CD9: variants seen among roughly 807,000 people sequenced by gnomAD.
CD9 encodes CD9 molecule.
In CD9, 10 loss-of-function variants were observed where a neutral mutation model predicts 31.4. The observed-to-expected ratio is 0.32, with a 90% CI of 0.20 to 0.54. The LOEUF is 0.54. Among genes scored for constraint, CD9 ranks in the 20% least tolerant of loss-of-function variants. The probability of loss-of-function intolerance (pLI) is 0.94; values close to 1 mark genes in which losing one functional copy is unlikely to be tolerated. For missense variants in CD9, 259 were observed against 300.1 expected (o/e 0.86, Z 1.01); for synonymous variants, 113 against 114.1 (o/e 0.99, Z 0.06).
Position 6,232,654 on chromosome 12 carries a change from C to A in CD9, c.198C>A (p.Ala66=). 1 of 1,578,774 alleles carries A rather than the reference C, an allele frequency of 6.3e-7. No homozygotes were observed. Reference sequence around the variant, plus strand: ...CAGGAGTCTATATTCTGATCGGAGCCGGCGCCCTCATGATGCTGGTGGGCT... The same window carrying A: ...CAGGAGTCTATATTCTGATCGGAGCAGGCGCCCTCATGATGCTGGTGGGCT... ...FYTGVYILIG[A]GALMMLVGFL... Residue 66 remains alanine (A), a synonymous_variant, in exon 3 of 8, where the codon GCC becomes GCA. Coordinates refer to ENST00000009180, the MANE Select transcript of CD9 (RefSeq NM_001769.4). This position sits in a 1 kb window ranked among gnomAD's most constrained non-coding sequence, Gnocchi z 4.8.
chr12:6,203,557 G>T (rs1405284037), intron 1 of CD9, among the ~76,000 whole-genome samples: 3 of 152,160 alleles, frequency 2.0e-5, no homozygotes, highest in Admixed American at 1.3e-4. Context: ...TCCCTGGCCT[G>T]ATCTCATCCC....
At chr12:6,218,597 CTAAGCTCCGT>C (rs1946264331) in intron 1 of CD9, among the ~76,000 whole-genome samples, 1 of 152,228 alleles carries the variant, frequency 6.6e-6, no homozygotes, top group Admixed American at 6.5e-5. Flanking sequence ...CCAGGTGCCC[CTAAGCTCCGT>C]TACACTTTGA....
At chr12:6,233,350 C>T (rs1027277986) in intron 3 of CD9, 62 bp from the exon 4 acceptor site, 175 of 1,264,448 alleles carry the variant, frequency 1.4e-4, no homozygotes, top group Middle Eastern at 3.7e-4. Context: ...CCAAAATACC[C>T]TTTGATTTTC....
In CD9 at chr12:6,232,783, C is replaced by T. The variant is rs763480764; in HGVS notation, c.273+54C>T. 1 of 1,190,202 alleles carries T rather than the reference C, an allele frequency of 8.4e-7. No homozygotes were observed. The highest frequency in any genetic ancestry group is 1.2e-6 in the Non-Finnish European group (1 of 831,466). 73.7% of individuals were successfully genotyped at this position (1,190,202 alleles called of 1,614,324 possible). A position where few individuals can be genotyped will look rare whatever the true frequency, so the allele number is the denominator to read the frequency against. On this transcript the variant is annotated intron_variant, in intron 3 of 7. Coordinates refer to ENST00000009180, the MANE Select transcript of CD9 (RefSeq NM_001769.4). The surrounding 1 kb of genome is among the most constrained non-coding windows in gnomAD (Gnocchi z 4.8). ...CACCCTGACTCCCACCAACAAAAAC[C>T]TCAGCAGGCCCAGACCCAGACCACA...
At chr12:6,216,494 C>CCT (rs1445113989) in intron 1 of CD9, among the ~76,000 whole-genome samples, 2 of 152,220 alleles carry the variant, frequency 1.3e-5, no homozygotes, top group Non-Finnish European at 1.5e-5. Flanking sequence ...AGGAAAATCC[C>CCT]CTCTCTCTCT....
intron 1 of CD9, among the ~76,000 whole-genome samples, chr12:6,203,698 C>T (rs1470144401): frequency 6.6e-6 from 1 of 152,104 alleles, no homozygotes; most frequent in Non-Finnish European, 1.5e-5. Flanking sequence ...GCCCGCCTGC[C>T]CACCCCCCAA....
chr12:6,234,384 G>A (rs1297625581), intron 4 of CD9: 2 of 151,866 alleles, frequency 1.3e-5, no homozygotes, highest in South Asian at 2.1e-4. Context: ...ACAGGGAAGA[G>A]TAGAACAAGG....
intron 1 of CD9, among the ~76,000 whole-genome samples, chr12:6,202,115 ATCT>A (rs1224935714): frequency 6.6e-6 from 1 of 152,158 alleles, no homozygotes; most frequent in East Asian, 1.9e-4. Context: ...CCTTAGGGAA[ATCT>A]TCTAAGATTC....
At chr12:6,234,487 C>T (rs76153845) in intron 4 of CD9, 1 of 144,776 alleles carries the variant, frequency 6.9e-6, no homozygotes, top group African/African-American at 2.6e-5. Flanking sequence ...AAAAAAAAAA[C>T]ATGTCTGTAA....
chr12:6,215,290 T>C (rs998985202), intron 1 of CD9, among the ~76,000 whole-genome samples: 1 of 152,220 alleles, frequency 6.6e-6, no homozygotes, highest in Admixed American at 6.5e-5. Context: ...AGCTATTCTC[T>C]GGATTCAGAA....
At position 6,232,295 on chromosome 12, in the gene CD9, A is replaced by G. The variant is rs1946455552; in HGVS notation, c.176-337A>G. On this transcript the variant is annotated intron_variant, in intron 2 of 7. Coordinates refer to ENST00000009180, the MANE Select transcript of CD9 (RefSeq NM_001769.4). This position sits in a 1 kb window ranked among gnomAD's most constrained non-coding sequence, Gnocchi z 4.8. The stretch of plus-strand genomic sequence containing the variant: ...ATTCATCTTGCTGGAAAGAGCTGAC[A>G]GACTGGACCAGTTTGCATTCCGAAT... The G allele has an allele frequency of 7.7e-6, 3 of 389,870 alleles. No homozygotes were observed. Among genetic ancestry groups the G allele is most frequent in the African/African-American group, 4.2e-5 (2 of 48,102 alleles). 24.2% of individuals were successfully genotyped at this position (389,870 alleles called of 1,614,324 possible).
rs11568221 is a variant in CD9, at chr12:6,217,638, A to T, written c.67-7788A>T. 5.5e-3 allele frequency among the ~76,000 whole-genome samples: 833 copies of T among 152,290 alleles called. 7 individuals carry two copies. Among genetic ancestry groups the T allele is most frequent in the African/African-American group, 0.018 (762 of 41,558 alleles). Reference sequence around the variant, plus strand: ...AGCTCACTATTCTTTCTATTAAGCCACCTGTCCCTTGTTGAAAATTGTGTA... The same window carrying T: ...AGCTCACTATTCTTTCTATTAAGCCTCCTGTCCCTTGTTGAAAATTGTGTA... On this transcript the variant is annotated intron_variant, in intron 1 of 7. Transcript: ENST00000009180.
At chr12:6,234,575 G>A (rs1946491557) in intron 4 of CD9, 1 of 152,250 alleles carries the variant, frequency 6.6e-6, no homozygotes, top group South Asian at 2.1e-4. Flanking sequence ...GAAAAATGCT[G>A]GCTGTTGGTC....
At chr12:6,235,378 T>G (rs901751014) in intron 5 of CD9, 51 bp downstream of exon 5, 1 of 1,614,150 alleles carries the variant, frequency 6.2e-7, no homozygotes, top group South Asian at 1.1e-5. Context: ...GGATTGTGTC[T>G]GCACACAGGG....
At chr12:6,201,555 C>A (rs114580942) in intron 1 of CD9, among the ~76,000 whole-genome samples, 1 of 152,236 alleles carries the variant, frequency 6.6e-6, no homozygotes, top group Non-Finnish European at 1.5e-5. Flanking sequence ...CACTCAGCCT[C>A]TACAAATGGG....
At chr12:6,209,603 C>G in intron 1 of CD9, among the ~76,000 whole-genome samples, 1 of 152,098 alleles carries the variant, frequency 6.6e-6, no homozygotes, top group East Asian at 1.9e-4. Context: ...TTCATACTCT[C>G]CTTTCCTCCT....
At chr12:6,229,703 C>G (rs1285576853) in intron 2 of CD9, among the ~76,000 whole-genome samples, 16 of 151,532 alleles carry the variant, frequency 1.1e-4, no homozygotes, top group Non-Finnish European at 1.5e-5. Context: ...GGGACGGGAG[C>G]CTGCTGTGTC....
chr12:6,200,546 G>A lies in CD9; in HGVS notation c.47G>A (p.Gly16Glu), dbSNP rs781303966. Residue 16 changes from glycine (G) to glutamate (E), a missense_variant, in exon 1 of 8, where the codon GGA becomes GAA. Coordinates refer to ENST00000009180, the MANE Select transcript of CD9 (RefSeq NM_001769.4). Reference protein sequence around the residue: ...GTKCIKYLLFGFNFIFWLAGI... With the variant: ...GTKCIKYLLFEFNFIFWLAGI... Reference sequence around the variant, plus strand: ...AAGTGCATCAAATACCTGCTGTTCGGATTTAACTTCATCTTCTGGGTGAGT... The same window carrying A: ...AAGTGCATCAAATACCTGCTGTTCGAATTTAACTTCATCTTCTGGGTGAGT... 1 of 1,610,100 alleles carries A rather than the reference G, an allele frequency of 6.2e-7. No individual in the cohort carries two copies. The highest frequency in any genetic ancestry group is 1.3e-5 in the African/African-American group (1 of 74,706).
intron 4 of CD9, 25 bp from the exon 5 acceptor site, chr12:6,235,204 C>G (rs1328688703): frequency 1.3e-6 from 2 of 1,493,616 alleles, no homozygotes; most frequent in African/African-American, 1.4e-5. Context: ...GCCGTCTCTG[C>G]CCCTCTCTCG....
Sources: gnomAD v4.1 joint callset for allele counts (sites outside exome capture counted in the v4.1 genomes callset) on GRCh38, gnomAD v4.1.1 for gene constraint, Gnocchi (gnomAD v3.1) non-coding constraint, MANE v1.5 for transcripts, NCBI Gene and HGNC (gene_info 2026-07-23, HGNC 2026-07-21) for gene names.